Variants in CHODL observed in about 807,000 individuals in gnomAD.
CHODL encodes chondrolectin.
Under a neutral mutation model 34.5 loss-of-function variants are expected in CHODL, and 29 were observed. The observed-to-expected ratio is 0.84, with a 90% CI of 0.63 to 1.15. The LOEUF (loss-of-function observed/expected upper bound fraction) is 1.15, where lower values mean the gene tolerates loss of function less well. Among genes scored for constraint, CHODL ranks in the 50% most tolerant of loss-of-function variants. The pLI is 0.00. For missense variants in CHODL, 332 were observed against 332.5 expected (o/e 1.00, Z 0.01); for synonymous variants, 125 against 116.1 (o/e 1.08, Z -0.49).
chr21:18,245,830 G>T, intron 1 of CHODL: 27 of 1,259,588 alleles, frequency 2.1e-5, no homozygotes, highest in Non-Finnish European at 2.5e-5. Context: ...AGGACTACTG[G>T]CAAGGAACTG....
intron 2 of CHODL, among the ~76,000 whole-genome samples, chr21:18,137,308 T>G (rs1191323926): frequency 6.6e-6 from 1 of 152,212 alleles, no homozygotes; most frequent in African/African-American, 2.4e-5. Flanking sequence ...ACAACTTTTT[T>G]TTATGATCCT....
intron 1 of CHODL, among the ~76,000 whole-genome samples, chr21:17,933,592 A>G (rs1226435758): frequency 6.6e-6 from 1 of 152,162 alleles, no homozygotes; most frequent in African/African-American, 2.4e-5. Context: ...AAGGCAGAAG[A>G]ATTTTTCTTA....
At chr21:18,235,175 T>C (rs2074017663) in intron 2 of CHODL, among the ~76,000 whole-genome samples, 1 of 152,030 alleles carries the variant, frequency 6.6e-6, no homozygotes, top group Non-Finnish European at 1.5e-5. Flanking sequence ...GGGTCAGAAT[T>C]TGAAGGGCCA....
chr21:18,253,452 G>A (rs1008631334), intron 1 of CHODL, among the ~76,000 whole-genome samples: 2 of 151,938 alleles, frequency 1.3e-5, no homozygotes, highest in African/African-American at 4.8e-5. Flanking sequence ...AAAACTCAAG[G>A]GAATGTAATT....
At chr21:18,171,713 A>G (rs1044779493) in intron 2 of CHODL, among the ~76,000 whole-genome samples, 2 of 146,658 alleles carry the variant, frequency 1.4e-5, no homozygotes, top group Non-Finnish European at 3.0e-5. Flanking sequence ...AAAATTAGAT[A>G]CTTCTCCCCC....
At chr21:18,016,831 C>T (rs1259606751) in intron 1 of CHODL, among the ~76,000 whole-genome samples, 2 of 152,234 alleles carry the variant, frequency 1.3e-5, no homozygotes, top group African/African-American at 4.8e-5. Flanking sequence ...GGAAACCCAC[C>T]ACTTGCATCA....
intron 2 of CHODL, among the ~76,000 whole-genome samples, chr21:18,091,567 C>A (rs1051304932): frequency 6.6e-6 from 1 of 152,134 alleles, no homozygotes; most frequent in Non-Finnish European, 1.5e-5. Flanking sequence ...CATGAGCCCC[C>A]CTCTCCAAAC....
At chr21:18,199,460 A>G (rs2073627287) in intron 2 of CHODL, among the ~76,000 whole-genome samples, 1 of 152,120 alleles carries the variant, frequency 6.6e-6, no homozygotes. Flanking sequence ...TACAATTGAC[A>G]TATCAATACT....
chr21:18,266,573 T>A lies in CHODL; in HGVS notation c.*535T>A, dbSNP rs1009700740. Reference sequence around the variant, plus strand: ...AACTGAATTCACACACACACAAATATAGTACCATAGAAAAAGTTTGTTTTC... The same window carrying A: ...AACTGAATTCACACACACACAAATAAAGTACCATAGAAAAAGTTTGTTTTC... On this transcript the variant is annotated 3_prime_UTR_variant, in exon 6 of 6. Coordinates refer to ENST00000299295, the MANE Select transcript of CHODL (RefSeq NM_024944.3). The A allele has an allele frequency of 2.6e-5, 4 of 153,616 alleles. No individual in the cohort carries two copies. Among genetic ancestry groups the A allele is most frequent in the Admixed American group, 2.0e-4 (3 of 15,374 alleles). The allele number at this position is 153,616 out of a possible 1,614,324, so 9.5% of individuals were successfully genotyped here.
At chr21:18,120,687 T>A (rs945116735) in intron 2 of CHODL, among the ~76,000 whole-genome samples, 5 of 152,308 alleles carry the variant, frequency 3.3e-5, no homozygotes, top group Admixed American at 3.3e-4. Context: ...ATTTAAATGT[T>A]TTCCTATGCT....
At chr21:18,002,979 C>T (rs912548586) in intron 1 of CHODL, among the ~76,000 whole-genome samples, 4 of 152,014 alleles carry the variant, frequency 2.6e-5, no homozygotes, top group South Asian at 2.1e-4. Flanking sequence ...AAAAATTAGC[C>T]GGGCGAGGTG....
At chr21:18,215,518 G>T (rs2073817900) in intron 2 of CHODL, among the ~76,000 whole-genome samples, 1 of 151,914 alleles carries the variant, frequency 6.6e-6, no homozygotes, top group Admixed American at 6.6e-5. Flanking sequence ...TGACTCCCAG[G>T]TATGTTGGGC....
At chr21:18,097,688 T>G (rs2065156661) in intron 2 of CHODL, among the ~76,000 whole-genome samples, 1 of 152,006 alleles carries the variant, frequency 6.6e-6, no homozygotes, top group Non-Finnish European at 1.5e-5. Context: ...AAAATACCAA[T>G]GACATTCTTC....
At position 18,265,177 on chromosome 21, in the gene CHODL, A is replaced by ATG. The variant is rs199551758; in HGVS notation, c.738-775_738-774dup. Among the ~76,000 whole-genome samples, 284 of 148,778 alleles carry ATG rather than the reference A, an allele frequency of 1.9e-3. 2 individuals are homozygous for ATG. Among genetic ancestry groups the ATG allele is most frequent in the African/African-American group, 6.8e-3 (265 of 39,224 alleles). On this transcript the variant is annotated intron_variant, in intron 5 of 5. Transcript: ENST00000299295. ...TGGATAAAGAATCTGTGGTATATAT[A>ATG]TGTATATATATATATACACACACAC... is the stretch of plus-strand genomic sequence containing the variant.
chr21:18,104,222 A>G (rs1225864556), intron 2 of CHODL, among the ~76,000 whole-genome samples: 1 of 152,054 alleles, frequency 6.6e-6, no homozygotes, highest in Non-Finnish European at 1.5e-5. Flanking sequence ...CCCAAATCTC[A>G]TCTTGAATTG....
intron 2 of CHODL, among the ~76,000 whole-genome samples, chr21:18,214,326 A>G (rs2073802402): frequency 6.6e-6 from 1 of 152,084 alleles, no homozygotes; most frequent in Non-Finnish European, 1.5e-5. Flanking sequence ...TTTAAGTAGT[A>G]ATTATTTTAT....
intron 2 of CHODL, among the ~76,000 whole-genome samples, chr21:18,204,406 G>A (rs1007658481): frequency 1.3e-5 from 2 of 152,002 alleles, no homozygotes; most frequent in Admixed American, 1.3e-4. Flanking sequence ...TAAGAAACTA[G>A]TATAACTATT....
chr21:17,962,393 T>C (rs2063538561), intron 1 of CHODL, among the ~76,000 whole-genome samples: 2 of 152,168 alleles, frequency 1.3e-5, no homozygotes, highest in Admixed American at 1.3e-4. Context: ...ATACACAGTT[T>C]TGGTCTGAAA....
At chr21:18,136,908 A>G (rs1424467202) in intron 2 of CHODL, among the ~76,000 whole-genome samples, 3 of 151,776 alleles carry the variant, frequency 2.0e-5, no homozygotes, top group Non-Finnish European at 4.4e-5. Flanking sequence ...TTAAAGTCCA[A>G]TGCCCTATAC....
Sources: allele counts gnomAD v4.1 joint callset (sites outside exome capture counted in the v4.1 genomes callset), GRCh38; gene constraint gnomAD v4.1.1; transcripts MANE v1.5; gene names NCBI Gene and HGNC (gene_info 2026-07-23, HGNC 2026-07-21).